NEB: variants seen among roughly 807,000 people sequenced by gnomAD.
The protein encoded by NEB is nebulin.
In NEB, 512 loss-of-function variants were observed where a neutral mutation model predicts 952.2. The ratio of observed to expected loss-of-function variants is 0.54; its 90% CI spans 0.50 to 0.58. The LOEUF (loss-of-function observed/expected upper bound fraction) is 0.58. Among genes scored for constraint, NEB ranks in the 20% least tolerant of loss-of-function variants. The pLI is 0.00. For missense variants in NEB, 8,428 were observed against 9,231.1 expected (o/e 0.91, Z 3.56); for synonymous variants, 2,900 against 3,149.8 (o/e 0.92, Z 2.66).
Position 151,513,502 on chromosome 2 carries a change from A to G in NEB, c.23241+78T>C, listed in dbSNP as rs2075915282. 12 of 1,017,776 alleles carry G rather than the reference A, an allele frequency of 1.2e-5. 1 individual carries two copies. The South Asian group carries it at 1.8e-4, about 15-fold the overall frequency. 63.0% of individuals were successfully genotyped at this position (1,017,776 alleles called of 1,614,324 possible). On this transcript the variant is annotated intron_variant, in intron 160 of 181. Coordinates refer to ENST00000397345, the MANE Select transcript of NEB (RefSeq NM_001164508.2). The stretch of plus-strand genomic sequence containing the variant: ...TGCATGTGACTGTCACCAATAAATC[A>G]GATGACAGAGGGACACTTTATGTCC...
At chr2:151,545,300 G>T (rs935844210) in intron 135 of NEB, among the ~76,000 whole-genome samples, 4 of 152,214 alleles carry the variant, frequency 2.6e-5, no homozygotes, top group Non-Finnish European at 5.9e-5. Flanking sequence ...TCTAGGCCAG[G>T]CGTGGTGGCT....
At chr2:151,693,945 T>C (rs1015323753) in intron 20 of NEB, among the ~76,000 whole-genome samples, 6 of 152,144 alleles carry the variant, frequency 3.9e-5, no homozygotes, top group African/African-American at 1.4e-4. Flanking sequence ...CATTTTCCTA[T>C]ATATATATTT....
intron 3 of NEB, among the ~76,000 whole-genome samples, chr2:151,731,430 TTC>T (rs2099808450): frequency 6.6e-6 from 1 of 152,210 alleles, no homozygotes; most frequent in Admixed American, 6.5e-5. Context: ...AAGCCAGTTC[TTC>T]TCTGTTTTCT....
intron 105 of NEB, among the ~76,000 whole-genome samples, chr2:151,579,072 C>A (rs1463016251): frequency 1.9e-5 from 2 of 104,812 alleles, no homozygotes; most frequent in East Asian, 3.3e-4. Flanking sequence ...CAGAGCAAGA[C>A]TCCATCTCAA....
chr2:151,520,071 C>T (rs2080899022), intron 153 of NEB: 1 of 202,244 alleles, frequency 4.9e-6, no homozygotes. Flanking sequence ...AGGCTTCAGG[C>T]TAAATTCAGA....
chr2:151,524,733 C>G, intron 151 of NEB, 117 bp from the exon 152 acceptor site: 1 of 766,164 alleles, frequency 1.3e-6, no homozygotes, highest in Non-Finnish European at 2.0e-6. Context: ...GTGGTACAAT[C>G]TCAGCTCACT....
chr2:151,691,100 T>C (rs2099546439), intron 23 of NEB, among the ~76,000 whole-genome samples: 1 of 152,186 alleles, frequency 6.6e-6, no homozygotes, highest in Non-Finnish European at 1.5e-5. Context: ...TTTAGTCAAC[T>C]TGGTACTCAG....
At position 151,494,166 on chromosome 2, in the gene NEB, T is replaced by C. The variant is rs141240053; in HGVS notation, c.24574A>G (p.Ser8192Gly). 1.8e-4 allele frequency: 288 copies of C among 1,604,664 alleles called. 3 individuals carry two copies. In the East Asian group the frequency reaches 6.4e-3, roughly 36 times the overall value. Residue 8192 changes from serine to glycine, a missense_variant, in exon 174 of 182, where the codon AGC becomes GGC. By Grantham distance (56) the Ser-to-Gly change is moderately conservative (BLOSUM62 0). Around this residue, in one of 11 missense-constraint regions of NEB, gnomAD observed 3,374 missense variants for 3,651.5 expected, o/e 0.92. Coordinates refer to ENST00000397345, the MANE Select transcript of NEB (RefSeq NM_001164508.2). The stretch of plus-strand genomic sequence containing the variant: ...TTTGTTTCTCAAGACAATACCGAGC[T>C]AATGTTTTCTTGATTGCGTTTGACT... The part of the protein sequence containing the change: ...QRVKRNQENI[S>G]SVLYKENLGK...
intron 131 of NEB, 52 bp downstream of exon 131, chr2:151,548,256 G>A (rs1251908365): frequency 1.4e-6 from 2 of 1,397,964 alleles, no homozygotes; most frequent in Non-Finnish European, 2.0e-6. Flanking sequence ...TTCAAACAAA[G>A]CCATGGCTAT....
Position 151,600,524 on chromosome 2 carries a change from C to T in NEB, c.13706G>A (p.Arg4569His), listed in dbSNP as rs1216367965. 2.6e-4 allele frequency: 1 copy of T among 3,802 alleles called. No individual in the cohort carries two copies. The highest frequency in any genetic ancestry group is 5.1e-4 in the Non-Finnish European group (1 of 1,962). The allele number at this position is 3,802 out of a possible 1,614,324, so 0.2% of individuals were successfully genotyped here. A position where few individuals can be genotyped will look rare whatever the true frequency, so the allele number is the denominator to read the frequency against. Residue 4569 changes from arginine (R) to histidine (H), a missense_variant, in exon 89 of 182, where the codon CGC becomes CAC. By Grantham distance (29) the Arg-to-His change is conservative (BLOSUM62 0). This residue lies in a region of NEB where 5 missense variants were observed against 203.8 expected (regional missense o/e 0.02). Coordinates refer to ENST00000397345, the MANE Select transcript of NEB (RefSeq NM_001164508.2). ...GQALASDVDY[R>H]HYLHHWSCFP... ...GCAAGACCAGTGGTGCAGGTAATGGCGATAGTCCACATCACTTGCCAGTGC... is the reference window on the plus strand; with the variant it reads ...GCAAGACCAGTGGTGCAGGTAATGGTGATAGTCCACATCACTTGCCAGTGC...
At chr2:151,537,552 T>C (rs924488887) in intron 140 of NEB, among the ~76,000 whole-genome samples, 3 of 152,196 alleles carry the variant, frequency 2.0e-5, no homozygotes, top group Admixed American at 6.5e-5. Context: ...GTGAGCATTG[T>C]TATGTGTCTT....
At chr2:151,524,888 G>A (rs1277735113) in intron 151 of NEB, among the ~76,000 whole-genome samples, 1 of 151,724 alleles carries the variant, frequency 6.6e-6, no homozygotes, top group South Asian at 2.1e-4. Flanking sequence ...GGCTGGTCTC[G>A]AACTCCTGAC....
At chr2:151,494,784 G>C (rs138055952) in intron 173 of NEB, among the ~76,000 whole-genome samples, 1,891 of 152,282 alleles carry the variant, frequency 0.012, 37 homozygotes, top group African/African-American at 0.043. Flanking sequence ...GAGTAGCTGG[G>C]ATTACAGGCG....
rs759591357 is a variant in NEB at position 151,667,819 on chromosome 2, C to T, written c.4704G>A (p.Arg1568=). The T allele has an allele frequency of 6.2e-7, 1 of 1,612,192 alleles. No individual in the cohort carries two copies. Among genetic ancestry groups the T allele is most frequent in the Non-Finnish European group, 8.5e-7 (1 of 1,178,640 alleles). The change falls in exon 40 of 182, where the codon AGG becomes AGA. Residue 1568 remains arginine (R), a synonymous_variant. Transcript: ENST00000397345. The part of the protein sequence containing the change: ...AIPIVAAKSS[R]NIASDCKYKE... ...TTAGACTTACATCACTAGCAATATT[C>T]CTTGAACTTTTTGCAGCAACAATTG...
At position 151,553,943 on chromosome 2, in the gene NEB, T is replaced by G. The variant is rs1453331792; in HGVS notation, c.19511A>C (p.Asp6504Ala). 6.2e-7 allele frequency: 1 copy of G among 1,613,930 alleles called. No homozygotes were observed. Among genetic ancestry groups the G allele is most frequent in the South Asian group, 1.1e-5 (1 of 91,086 alleles). ...AATCTCACTGACTTTCTTCTGGGAA[T>G]CCTTGGCAGTAACCATCTCTACCAT... ...PDMVEMVTAKDSQKKVSEIDY... is the reference protein window; with the variant it reads ...PDMVEMVTAKASQKKVSEIDY... Residue 6504 changes from aspartate (D) to alanine (A), a missense_variant, in exon 126 of 182, where the codon GAT becomes GCT. Physicochemically the swap from Asp to Ala is moderately radical, Grantham distance 126. Transcript: ENST00000397345.
chr2:151,567,456 C>T lies in NEB; in HGVS notation c.17868G>A (p.Val5956=). ...CACCAACATAATGACCTTTTTGCTT[C>T]ACATGTTCAGCTTTGTATTTCAGCT... ...QSELKYKAEH[V]KQKGHYVGVP... is the part of the protein sequence containing the mutation. Residue 5956 remains valine (V), a synonymous_variant, in exon 114 of 182, where the codon GTG becomes GTA. Coordinates refer to ENST00000397345, the MANE Select transcript of NEB (RefSeq NM_001164508.2). The T allele has an allele frequency of 1.2e-6, 2 of 1,611,718 alleles. No homozygotes were observed. The highest frequency in any genetic ancestry group is 2.2e-5 in the South Asian group (2 of 90,752).
intron 123 of NEB, 143 bp from the exon 124 acceptor site, chr2:151,560,842 A>T (rs2095992419): frequency 7.8e-6 from 6 of 771,944 alleles, no homozygotes; most frequent in Non-Finnish European, 1.3e-5. Flanking sequence ...GGCTTATTTA[A>T]TTGTACCTAC....
Position 151,553,395 on chromosome 2 carries a change from C to T in NEB, c.19731+3G>A, listed in dbSNP as rs1209337946. 1 of 1,605,564 alleles carries T rather than the reference C, an allele frequency of 6.2e-7. No homozygotes were observed. The highest frequency in any genetic ancestry group is 8.5e-7 in the Non-Finnish European group (1 of 1,172,280). On this transcript the variant is annotated splice_donor_region_variant and intron_variant, in intron 127 of 181. Transcript: ENST00000397345. ...ACTAAAGAACAAAACAAGGCAAACT[C>T]ACATCATCACGTAGATCATAAGCAT... is the stretch of plus-strand genomic sequence containing the variant.
intron 127 of NEB, among the ~76,000 whole-genome samples, 174 bp downstream of exon 127, chr2:151,553,223 TA>T (rs1285239973): frequency 6.6e-6 from 1 of 152,232 alleles, no homozygotes; most frequent in Non-Finnish European, 1.5e-5. Flanking sequence ...TGCAGTTTAA[TA>T]AGAATGCCAT....
Sources: allele counts gnomAD v4.1 joint callset (sites outside exome capture counted in the v4.1 genomes callset), GRCh38; gene constraint gnomAD v4.1.1; regional missense constraint gnomAD v4.1.1; transcripts MANE v1.5; gene names NCBI Gene and HGNC (gene_info 2026-07-23, HGNC 2026-07-21).